DCHS2: variants seen among roughly 807,000 people sequenced by gnomAD.
The protein encoded by DCHS2 is protocadherin-23.
Under a neutral mutation model 182.4 loss-of-function variants are expected in DCHS2, and 142 were observed. The observed-to-expected ratio is 0.78, with a 90% CI of 0.68 to 0.89. The LOEUF is 0.89. DCHS2 is among the 40% of genes least tolerant of loss of function. The pLI, the probability that DCHS2 is intolerant of heterozygous loss-of-function variation, is 0.00. For synonymous variants in DCHS2, 1,740 were observed against 1,663.3 expected, an observed-to-expected ratio of 1.05 and a Z score of -1.12; for missense variants, 4,319 against 4,198.6, an observed-to-expected ratio of 1.03 and a Z score of -0.79.
chr4:154,252,029 G>C (rs932261142), intron 16 of DCHS2, among the ~76,000 whole-genome samples: 7 of 151,554 alleles, frequency 4.6e-5, no homozygotes, highest in Admixed American at 1.3e-4. Context: ...TTCATATTTA[G>C]TAGAATCATG....
chr4:154,321,511 C>T (rs1352664695), intron 8 of DCHS2, among the ~76,000 whole-genome samples: 1 of 152,078 alleles, frequency 6.6e-6, no homozygotes, highest in East Asian at 1.9e-4. Context: ...GAACTGTAGC[C>T]TTGTGATTCT....
intron 14 of DCHS2, 22 bp downstream of exon 14, chr4:154,269,878 G>C (rs1472766324): frequency 3.1e-6 from 5 of 1,603,120 alleles, no homozygotes; most frequent in South Asian, 2.3e-5. Flanking sequence ...AATAAAGCTA[G>C]TATAGGGTAG....
chr4:154,315,734 T>A lies in DCHS2; in HGVS notation c.5260+14A>T. ...TTAAGCATTAAATACCCAGTTTCTG[T>A]ATTTCTAAATTACCTGAATCTCTGT... is the stretch of plus-strand genomic sequence containing the variant. On this transcript the variant is annotated intron_variant, in intron 10 of 19. Coordinates refer to ENST00000357232, the MANE Select transcript of DCHS2 (RefSeq NM_001358235.2). 1 of 1,609,460 alleles carries A rather than the reference T, an allele frequency of 6.2e-7. No individual in the cohort carries two copies. The highest frequency in any genetic ancestry group is 2.2e-5 in the East Asian group (1 of 44,794).
At position 154,333,068 on chromosome 4, in the gene DCHS2, C is replaced by T; in HGVS notation, c.3140G>A (p.Arg1047Gln). ...LNGSLGAGEQ[R>Q]ELTLTLRAED... The stretch of plus-strand genomic sequence containing the variant: ...GGCCCTGAGAGTCAGCGTGAGCTCC[C>T]GCTGCTCGCCCGCGCCCAGGCTGCC... The change falls in exon 5 of 20, where the codon CGG (arginine) becomes CAG (glutamine). Residue 1047 changes from arginine (R) to glutamine (Q), a missense_variant. Physicochemically the swap from Arg to Gln is conservative, Grantham distance 43 (BLOSUM62 1). Coordinates refer to ENST00000357232, the MANE Select transcript of DCHS2 (RefSeq NM_001358235.2). 1.9e-6 allele frequency: 3 copies of T among 1,614,000 alleles called. No homozygotes were observed. The highest frequency in any genetic ancestry group is 2.5e-6 in the Non-Finnish European group (3 of 1,179,944).
chr4:154,379,367 G>A (rs527963779), intron 1 of DCHS2, among the ~76,000 whole-genome samples: 1 of 152,142 alleles, frequency 6.6e-6, no homozygotes, highest in African/African-American at 2.4e-5. Flanking sequence ...TTAGCTGCAA[G>A]GGAGGCTGAG....
In DCHS2 at chr4:154,329,638, T is replaced by G; in HGVS notation, c.3803A>C (p.Asp1268Ala). ...GHHEMTVLVT[D>A]RGSPPRNATM... Reference sequence around the variant, plus strand: ...GGCGTTTCGTGGTGGGGAGCCGCGGTCTGTCACTAGCACAGTCATCTCATG... The same window carrying G: ...GGCGTTTCGTGGTGGGGAGCCGCGGGCTGTCACTAGCACAGTCATCTCATG... The change falls in exon 6 of 20, where the codon GAC becomes GCC. Residue 1268 changes from aspartate (D) to alanine (A), a missense_variant. Physicochemically the swap from Asp to Ala is moderately radical, Grantham distance 126 (BLOSUM62 -2). Transcript: ENST00000357232. The G allele has an allele frequency of 6.2e-7, 1 of 1,612,546 alleles. No individual in the cohort carries two copies. Among genetic ancestry groups the G allele is most frequent in the South Asian group, 1.1e-5 (1 of 90,994 alleles).
chr4:154,482,622 T>C (rs139475275), intron 1 of DCHS2, among the ~76,000 whole-genome samples: 73 of 152,298 alleles, frequency 4.8e-4, no homozygotes, highest in African/African-American at 1.7e-3. Flanking sequence ...AGAGTCGTAT[T>C]ATGTGCTAAG....
At chr4:154,443,023 C>T (rs1232327928) in intron 1 of DCHS2, among the ~76,000 whole-genome samples, 3 of 151,986 alleles carry the variant, frequency 2.0e-5, no homozygotes, top group Admixed American at 6.6e-5. Flanking sequence ...CTTTCTTTGA[C>T]CACCTCCTCC....
At chr4:154,371,085 G>T (rs970191971) in intron 2 of DCHS2, among the ~76,000 whole-genome samples, 3 of 152,114 alleles carry the variant, frequency 2.0e-5, no homozygotes, top group African/African-American at 7.2e-5. Flanking sequence ...GGCTCAGGGT[G>T]CTGGGTTGTT....
At chr4:154,359,985 T>A (rs964160256) in intron 3 of DCHS2, among the ~76,000 whole-genome samples, 2 of 152,188 alleles carry the variant, frequency 1.3e-5, no homozygotes, top group African/African-American at 4.8e-5. Context: ...TTAGTGTTTT[T>A]TTTTAAGTCA....
rs10671130 is a variant in DCHS2 at position 154,275,044 on chromosome 4, A to AT, written c.6464-5032dup. 3.0e-3 allele frequency among the ~76,000 whole-genome samples: 457 copies of AT among 150,016 alleles called. 1 individual carries two copies. Among genetic ancestry groups the AT allele is most frequent in the Middle Eastern group, 0.014 (4 of 292 alleles). ...GACCCCTAAACCAAGCCAAATTGTT[A>AT]TTTTTTTTTTCTGGATATGTAAAAG... On this transcript the variant is annotated intron_variant, in intron 13 of 19. Coordinates refer to ENST00000357232, the MANE Select transcript of DCHS2 (RefSeq NM_001358235.2).
intron 1 of DCHS2, among the ~76,000 whole-genome samples, chr4:154,393,372 G>T (rs1196539366): frequency 1.3e-5 from 2 of 152,042 alleles, no homozygotes; most frequent in Non-Finnish European, 2.9e-5. Flanking sequence ...GAAAGCTTTT[G>T]GTTGGGGGAA....
chr4:154,470,210 G>A (rs760149767), intron 1 of DCHS2, among the ~76,000 whole-genome samples: 2 of 152,168 alleles, frequency 1.3e-5, no homozygotes, highest in Non-Finnish European at 2.9e-5. Flanking sequence ...AGGCACAGTG[G>A]CTCATTCCTG....
intron 1 of DCHS2, among the ~76,000 whole-genome samples, chr4:154,474,381 C>T (rs1270791126): frequency 6.6e-6 from 1 of 152,130 alleles, no homozygotes; most frequent in Non-Finnish European, 1.5e-5. Flanking sequence ...GTGTGGTGTC[C>T]CCCAGAAAAA....
intron 1 of DCHS2, among the ~76,000 whole-genome samples, chr4:154,391,883 A>T (rs184535323): frequency 6.6e-6 from 1 of 152,188 alleles, no homozygotes; most frequent in African/African-American, 2.4e-5. Flanking sequence ...AAGATAGAAG[A>T]CCATTGTGCA....
chr4:154,306,693 T>C (rs1735452369), intron 10 of DCHS2, among the ~76,000 whole-genome samples: 1 of 152,130 alleles, frequency 6.6e-6, no homozygotes, highest in South Asian at 2.1e-4. Context: ...ACACATTATA[T>C]ATACACCATT....
At chr4:154,285,895 G>A (rs77784544) in intron 13 of DCHS2, among the ~76,000 whole-genome samples, 1,841 of 152,150 alleles carry the variant, frequency 0.012, 24 homozygotes, top group African/African-American at 0.04. Context: ...GCAAGGCAGT[G>A]GTTACTATAG....
intron 13 of DCHS2, among the ~76,000 whole-genome samples, chr4:154,289,278 T>G (rs975593286): frequency 6.6e-6 from 1 of 151,906 alleles, no homozygotes; most frequent in Non-Finnish European, 1.5e-5. Flanking sequence ...CTACATAAAT[T>G]TAAAGGATCA....
chr4:154,336,043 G>A (rs535286938), intron 3 of DCHS2, among the ~76,000 whole-genome samples: 12 of 152,268 alleles, frequency 7.9e-5, no homozygotes, highest in African/African-American at 2.6e-4. Flanking sequence ...ATCTTCTAAG[G>A]TATTTGACAT....
Sources: allele counts gnomAD v4.1 joint callset (sites outside exome capture counted in the v4.1 genomes callset), GRCh38; gene constraint gnomAD v4.1.1; transcripts MANE v1.5; gene names NCBI Gene and HGNC (gene_info 2026-07-23, HGNC 2026-07-21).